The following WNK1 variants were observed in gnomAD, a reference collection of about 807,000 sequenced individuals.
The protein encoded by WNK1 is serine/threonine-protein kinase WNK1.
WNK1 carries 38 observed loss-of-function variants against 222.8 expected under a neutral mutation model. That is an observed-to-expected ratio of 0.17 (90% confidence interval 0.13 to 0.22). The LOEUF (loss-of-function observed/expected upper bound fraction) is 0.22. Ranked by LOEUF, WNK1 falls within the 10% of genes least tolerant of loss-of-function variation. The probability of loss-of-function intolerance (pLI) is 1.00; values close to 1 mark genes in which losing one functional copy is unlikely to be tolerated. For missense variants in WNK1, 2,348 were observed against 2,918.4 expected, an observed-to-expected ratio of 0.80 and a Z score of 4.50; for synonymous variants, 1,090 against 1,092.9, an observed-to-expected ratio of 1.00 and a Z score of 0.05.
At chr12:808,250 T>C (rs774852218) in intron 1 of WNK1, among the ~76,000 whole-genome samples, 3 of 152,152 alleles carry the variant, frequency 2.0e-5, no homozygotes, top group East Asian at 1.9e-4. Context: ...TGCTATGCAA[T>C]AGATACTGTA....
Position 911,298 on chromosome 12 carries a change from A to AAACT in WNK1, c.*2507_*2510dup, listed in dbSNP as rs933461563. On this transcript the variant is annotated 3_prime_UTR_variant, in exon 28 of 28. Transcript: ENST00000315939. ...CTGTTAAAAATAAAAATAAAAATTC[A>AAACT]AACTTTGGGGGTTTCTCAGCAGCCG... is the stretch of plus-strand genomic sequence containing the variant. 1.5e-5 allele frequency: 6 copies of AAACT among 398,488 alleles called. No individual in the cohort carries two copies. Among genetic ancestry groups the AAACT allele is most frequent in the African/African-American group, 1.0e-4 (5 of 48,626 alleles). 24.7% of individuals were successfully genotyped at this position (398,488 alleles called of 1,614,324 possible). A position where few individuals can be genotyped will look rare whatever the true frequency, so the allele number is the denominator to read the frequency against.
chr12:819,849 C>G (rs1947695236), intron 2 of WNK1, among the ~76,000 whole-genome samples: 1 of 152,138 alleles, frequency 6.6e-6, no homozygotes, highest in Admixed American at 6.5e-5. Context: ...GGTCTTGGTA[C>G]TCTTCTCAAA....
At chr12:849,171 A>G (rs1220772491) in intron 4 of WNK1, among the ~76,000 whole-genome samples, 1 of 152,174 alleles carries the variant, frequency 6.6e-6, no homozygotes, top group Non-Finnish European at 1.5e-5. Context: ...TGAGCCAGAG[A>G]TTAGTGGTAG....
chr12:794,617 C>T (rs1046644281), intron 1 of WNK1, among the ~76,000 whole-genome samples: 9 of 151,816 alleles, frequency 5.9e-5, no homozygotes, highest in African/African-American at 1.9e-4. Flanking sequence ...TTTTTGGATG[C>T]TAAACCTTGG....
At chr12:837,997 C>T (rs1949328680) in intron 4 of WNK1, among the ~76,000 whole-genome samples, 1 of 151,942 alleles carries the variant, frequency 6.6e-6, no homozygotes, top group Non-Finnish European at 1.5e-5. Context: ...GCTTCTTTCA[C>T]TTTGTATAGT....
chr12:896,308 A>G lies in WNK1; in HGVS notation c.5821A>G (p.Thr1941Ala), dbSNP rs780166972. 15 of 1,614,232 alleles carry G rather than the reference A, an allele frequency of 9.3e-6. No homozygotes were observed. Among genetic ancestry groups the G allele is most frequent in the Non-Finnish European group, 1.3e-5 (15 of 1,180,034 alleles). ...GGCAAAGTCAGACACTGGGCAGCCT[A>G]CCAAGGTTGGACGTTTTCAGGTGAC... The part of the protein sequence containing the change: ...SEAKSDTGQP[T>A]KVGRFQVTTT... Residue 1941 changes from threonine (T) to alanine (A), a missense_variant, in exon 24 of 28, where the codon ACC becomes GCC. Physicochemically the swap from Thr to Ala is moderately conservative, Grantham distance 58 (BLOSUM62 0). Coordinates refer to ENST00000315939, the MANE Select transcript of WNK1 (RefSeq NM_018979.4).
At chr12:833,489 A>C (rs2154030383) in intron 4 of WNK1, among the ~76,000 whole-genome samples, 1 of 152,222 alleles carries the variant, frequency 6.6e-6, no homozygotes, top group Non-Finnish European at 1.5e-5. Flanking sequence ...ATTCCTATCC[A>C]TTTGTAAATG....
intron 4 of WNK1, among the ~76,000 whole-genome samples, chr12:852,141 A>T (rs1311496733): frequency 6.6e-6 from 1 of 152,164 alleles, no homozygotes; most frequent in East Asian, 1.9e-4. Flanking sequence ...ACTCACTTTT[A>T]TTTTTCTAGC....
chr12:855,807 A>G (rs1950739218), intron 4 of WNK1, among the ~76,000 whole-genome samples: 1 of 151,952 alleles, frequency 6.6e-6, no homozygotes, highest in African/African-American at 2.4e-5. Flanking sequence ...CATCTTATGT[A>G]TATTTTCCAC....
Position 884,190 on chromosome 12 carries a change from C to T in WNK1, c.3791C>T (p.Pro1264Leu). ...AGGCGGTTTATAGTGAGTCCTGTGC[C>T]AGAAAGCCGATTACGAGAATCAAAA... ...AGRRFIVSPV[P>L]ESRLRESKVF... The change falls in exon 18 of 28, where the codon CCA becomes CTA. Residue 1264 changes from proline (P) to leucine (L), a missense_variant. Transcript: ENST00000315939. This position sits in a 1 kb window ranked among gnomAD's most constrained non-coding sequence, Gnocchi z 5.6. 6.2e-7 allele frequency: 1 copy of T among 1,614,104 alleles called. No individual in the cohort carries two copies. The highest frequency in any genetic ancestry group is 8.5e-7 in the Non-Finnish European group (1 of 1,180,016).
chr12:864,368 C>A (rs889141727), intron 8 of WNK1, among the ~76,000 whole-genome samples: 7 of 152,076 alleles, frequency 4.6e-5, no homozygotes, highest in African/African-American at 1.7e-4. Flanking sequence ...GCCTCGGCCT[C>A]CCAAAGTGCC....
intron 4 of WNK1, among the ~76,000 whole-genome samples, chr12:834,248 C>G (rs1949016753): frequency 6.6e-6 from 1 of 152,190 alleles, no homozygotes; most frequent in African/African-American, 2.4e-5. Flanking sequence ...AAGGACAAAT[C>G]AATTGCTACT....
chr12:872,068 C>T (rs1952201795), intron 9 of WNK1, among the ~76,000 whole-genome samples: 1 of 152,138 alleles, frequency 6.6e-6, no homozygotes, highest in South Asian at 2.1e-4. Flanking sequence ...TCAGATTTTA[C>T]GCTAAGAAGC....
chr12:786,098 G>A (rs145852580), intron 1 of WNK1, among the ~76,000 whole-genome samples: 1 of 152,176 alleles, frequency 6.6e-6, no homozygotes, highest in Non-Finnish European at 1.5e-5. Flanking sequence ...AAAAATTGAA[G>A]TTCTATGTTT....
intron 26 of WNK1, 26 bp downstream of exon 26, chr12:900,696 A>G: frequency 6.2e-7 from 1 of 1,613,918 alleles, no homozygotes; most frequent in Non-Finnish European, 8.5e-7. Context: ...TCATCGTCCA[A>G]AAACAATAAA....
At chr12:896,852 C>G in intron 24 of WNK1, 120 bp downstream of exon 24, 2 of 1,095,594 alleles carry the variant, frequency 1.8e-6, no homozygotes, top group South Asian at 2.9e-5. Flanking sequence ...TTTAAAGAGA[C>G]AGTGCCACAG....
chr12:754,333 C>G lies in WNK1; in HGVS notation c.759+9C>G, dbSNP rs1408223771. The G allele has an allele frequency of 1.2e-6, 2 of 1,611,600 alleles. No individual in the cohort carries two copies. The highest frequency in any genetic ancestry group is 1.7e-6 in the Non-Finnish European group (2 of 1,179,754). The stretch of plus-strand genomic sequence containing the variant: ...CCTGGTGTGAACTGCAGGTAAAGCC[C>G]CACCTACTTTATTTGACGGTCCTTT... On this transcript the variant is annotated intron_variant, in intron 1 of 27. Coordinates refer to ENST00000315939, the MANE Select transcript of WNK1 (RefSeq NM_018979.4).
chr12:887,982 G>GT (rs1223060485), intron 20 of WNK1, among the ~76,000 whole-genome samples: 1 of 152,064 alleles, frequency 6.6e-6, no homozygotes, highest in Non-Finnish European at 1.5e-5. Flanking sequence ...AGAATTACCT[G>GT]TAATATTTAT....
At chr12:881,121 C>T in intron 12 of WNK1, 122 bp downstream of exon 12, 5 of 1,296,028 alleles carry the variant, frequency 3.9e-6, no homozygotes, top group East Asian at 2.5e-5. Context: ...GTCAAACTAA[C>T]TTCTGCATGA....
Sources: gnomAD v4.1 joint callset for allele counts (sites outside exome capture counted in the v4.1 genomes callset) on GRCh38, gnomAD v4.1.1 for gene constraint, Gnocchi (gnomAD v3.1) non-coding constraint, MANE v1.5 for transcripts, NCBI Gene and HGNC (gene_info 2026-07-23, HGNC 2026-07-21) for gene names.